CNIH3: variants seen among roughly 807,000 people sequenced by gnomAD.
The protein encoded by CNIH3 is cornichon family AMPA receptor auxiliary protein 3, also known as protein cornichon homolog 3.
In CNIH3, 14 loss-of-function variants were observed where a neutral mutation model predicts 24.1. That is an observed-to-expected ratio of 0.58 (90% CI 0.38 to 0.91). The LOEUF (loss-of-function observed/expected upper bound fraction) is 0.91. CNIH3 is among the 40% of genes least tolerant of loss of function. The probability of loss-of-function intolerance (pLI) is 0.00; values close to 1 mark genes in which losing one functional copy is unlikely to be tolerated. For missense variants in CNIH3, 178 were observed against 196.8 expected (o/e 0.90, Z 0.57); for synonymous variants, 68 against 73.8 (o/e 0.92, Z 0.40).
At chr1:224,612,341 T>C (rs893288049), upstream of CNIH3, among the ~76,000 whole-genome samples, 3 of 152,148 alleles carry the variant, frequency 2.0e-5, no homozygotes, top group African/African-American at 7.2e-5. This position sits in a 1 kb window ranked among gnomAD's most constrained non-coding sequence, Gnocchi z 4.7. Flanking sequence ...TTTCTTAATC[T>C]TGAGGAGGTG....
chr1:224,456,764 CATT>C (rs1196679352), intron 1 of CNIH3, among the ~76,000 whole-genome samples: 1 of 152,202 alleles, frequency 6.6e-6, no homozygotes, highest in African/African-American at 2.4e-5. Context: ...CCAGGGAAGA[CATT>C]AGCTCACTCT....
chr1:224,730,330 A>G, intron 3 of CNIH3, 132 bp from the exon 4 acceptor site: 1 of 627,166 alleles, frequency 1.6e-6, no homozygotes. Flanking sequence ...CAGTGGCTCT[A>G]CGTTGCTGCA....
At position 224,697,002 on chromosome 1, in the gene CNIH3, A is replaced by G. The variant is rs560570026; in HGVS notation, c.198+12159A>G. ...TTCTGCAACTGCTACATTGCTTAGCATGGTGTCAGATGCATGTTAGCTAGC... is the reference window on the plus strand; with the variant it reads ...TTCTGCAACTGCTACATTGCTTAGCGTGGTGTCAGATGCATGTTAGCTAGC... On this transcript the variant is annotated intron_variant, in intron 3 of 5. Coordinates refer to ENST00000272133, the MANE Select transcript of CNIH3 (RefSeq NM_152495.2). 2.8e-3 allele frequency among the ~76,000 whole-genome samples: 424 copies of G among 152,334 alleles called. 3 individuals are homozygous for G. Among genetic ancestry groups the G allele is most frequent in the African/African-American group, 9.7e-3 (403 of 41,576 alleles).
At chr1:224,505,314 A>G (rs1677863842) in intron 1 of CNIH3, among the ~76,000 whole-genome samples, 1 of 151,914 alleles carries the variant, frequency 6.6e-6, no homozygotes, top group Non-Finnish European at 1.5e-5. Flanking sequence ...GGAAAAAAAA[A>G]AAAAAAAGTC....
chr1:224,706,963 T>C (rs1003541593), intron 3 of CNIH3, among the ~76,000 whole-genome samples: 185 of 136,800 alleles, frequency 1.4e-3, no homozygotes, highest in Admixed American at 4.2e-3. Context: ...TCTTTCTTTT[T>C]TTTTTTTTTT....
intron 3 of CNIH3, among the ~76,000 whole-genome samples, chr1:224,560,688 T>C (rs766401837): frequency 2.2e-4 from 34 of 151,910 alleles, no homozygotes; most frequent in Non-Finnish European, 3.1e-4. Flanking sequence ...CACCCCCAGA[T>C]GGGACCATCT....
At chr1:224,600,177 T>G (rs1682146322) in intron 3 of CNIH3, among the ~76,000 whole-genome samples, 1 of 152,068 alleles carries the variant, frequency 6.6e-6, no homozygotes, top group Non-Finnish European at 1.5e-5. Context: ...AGTTCTCTGT[T>G]TTTCTCATCT....
Position 224,608,214 on chromosome 1 carries a change from A to G in CNIH3, n.402+41950A>G, listed in dbSNP as rs182706325. 3.0e-3 allele frequency among the ~76,000 whole-genome samples: 450 copies of G among 152,366 alleles called. 1 individual carries two copies. The highest frequency in any genetic ancestry group is 0.01 in the African/African-American group (427 of 41,580). ...GAGGGCCAAGCTAACGACTTGAGCC[A>G]GTCAAGGGCACAGTTTGACCTTTGA... On this transcript the variant is annotated intron_variant and non_coding_transcript_variant, in intron 3 of 7. Coordinates refer to the CNIH3 transcript ENST00000478120.
Position 224,730,501 on chromosome 1 carries a change from A to G in CNIH3, c.238A>G (p.Ile80Val), listed in dbSNP as rs1405804967. The G allele has an allele frequency of 2.6e-6, 4 of 1,561,718 alleles. No individual in the cohort carries two copies. The African/African-American group carries it at 5.4e-5, about 21-fold the overall frequency. ...ATACTCCATCCATAGCCTCTTCTGC[A>G]TTATGTTCCTGTGTGCGCAAGAGTG... ...PEYSIHSLFCIMFLCAQEWLT... is the reference protein window; with the variant it reads ...PEYSIHSLFCVMFLCAQEWLT... Residue 80 changes from isoleucine to valine, a missense_variant, in exon 4 of 6, where the codon ATT becomes GTT. Coordinates refer to ENST00000272133, the MANE Select transcript of CNIH3 (RefSeq NM_152495.2).
chr1:224,594,848 CAGAA>C (rs1388479756), intron 3 of CNIH3, among the ~76,000 whole-genome samples: 1 of 152,166 alleles, frequency 6.6e-6, no homozygotes, highest in Non-Finnish European at 1.5e-5. Context: ...TCTCTCTATC[CAGAA>C]AGAGTTATAA....
Position 224,574,774 on chromosome 1 carries a change from C to T in CNIH3, n.517-8390C>T, listed in dbSNP as rs1282186822. The T allele has an allele frequency of 4.6e-6, 5 of 1,083,976 alleles. No homozygotes were observed. In the East Asian group the frequency reaches 7.1e-5, roughly 15 times the overall value. 67.1% of individuals were successfully genotyped at this position (1,083,976 alleles called of 1,614,324 possible). ...GACCTCTACCTTATTCGCTGGCCAA[C>T]CAGCTTCAAGCCTGGGAAGGAATTT... On this transcript the variant is annotated intron_variant and non_coding_transcript_variant, in intron 4 of 5. Transcript: ENST00000471578.
At chr1:224,615,102 T>G (rs529492944), upstream of CNIH3, 1 of 152,232 alleles carries the variant, frequency 6.6e-6, no homozygotes, top group South Asian at 2.1e-4. Context: ...CTTGCTGGAA[T>G]TCATCCCTTC....
In CNIH3 at chr1:224,603,695, T is replaced by A. The variant is rs1682298797; in HGVS notation, n.402+37431T>A. On this transcript the variant is annotated intron_variant and non_coding_transcript_variant, in intron 3 of 7. Transcript: ENST00000478120. ...GACACTTGTATTTTTGTTAAAATAA[T>A]AAAATTATTTTGTATTGAAGAAATA... Among the ~76,000 whole-genome samples, 3 of 152,212 alleles carry A rather than the reference T, an allele frequency of 2.0e-5. No individual in the cohort carries two copies. In the South Asian group the frequency reaches 6.2e-4, roughly 32 times the overall value.
intron 1 of CNIH3, chr1:224,661,503 G>C: frequency 3.4e-6 from 1 of 293,740 alleles, no homozygotes; most frequent in East Asian, 9.5e-5. Flanking sequence ...TGCTCCCTTG[G>C]GGACCCCTTT....
chr1:224,674,506 CAGTCTAGACTTA>C (rs1686039300), intron 1 of CNIH3, among the ~76,000 whole-genome samples: 1 of 152,012 alleles, frequency 6.6e-6, no homozygotes, highest in African/African-American at 2.4e-5. Flanking sequence ...GGAATCCAGG[CAGTCTAGACTTA>C]GGGCAGGCCC....
At chr1:224,442,302 C>T (rs1226850034) in intron 1 of CNIH3, among the ~76,000 whole-genome samples, 1 of 152,098 alleles carries the variant, frequency 6.6e-6, no homozygotes, top group Non-Finnish European at 1.5e-5. Flanking sequence ...AGAGCCTGGC[C>T]TCTCTTACTG....
chr1:224,534,173 C>G (rs1014895774), intron 2 of CNIH3, among the ~76,000 whole-genome samples: 1 of 152,106 alleles, frequency 6.6e-6, no homozygotes, highest in Non-Finnish European at 1.5e-5. Context: ...TCAGATAAAA[C>G]AAAACAACAA....
intron 1 of CNIH3, among the ~76,000 whole-genome samples, chr1:224,436,078 A>G (rs1267568905): frequency 1.3e-5 from 2 of 152,230 alleles, no homozygotes; most frequent in Non-Finnish European, 2.9e-5. Context: ...ATGGATCCTC[A>G]GACAGGAAGA....
intron 1 of CNIH3, among the ~76,000 whole-genome samples, chr1:224,679,926 A>G (rs1296626219): frequency 6.6e-6 from 1 of 151,942 alleles, no homozygotes; most frequent in East Asian, 1.9e-4. Context: ...CTCCTGCCTC[A>G]GCCTCCTAGA....
Sources: allele counts gnomAD v4.1 joint callset (sites outside exome capture counted in the v4.1 genomes callset), GRCh38; gene constraint gnomAD v4.1.1; non-coding constraint Gnocchi (gnomAD v3.1); transcripts MANE v1.5; gene names NCBI Gene and HGNC (gene_info 2026-07-23, HGNC 2026-07-21).